TRIO: variants seen among roughly 807,000 people sequenced by gnomAD.
TRIO encodes trio Rho guanine nucleotide exchange factor.
In TRIO, 58 loss-of-function variants were observed where a neutral mutation model predicts 351.9. The ratio of observed to expected loss-of-function variants is 0.16; its 90% CI spans 0.13 to 0.21. The LOEUF (loss-of-function observed/expected upper bound fraction) is 0.21, where lower values mean the gene tolerates loss of function less well. Ranked by LOEUF, TRIO falls within the 10% of genes least tolerant of loss-of-function variation. TRIO has a pLI of 1.00. For synonymous variants in TRIO, 1,758 were observed against 1,595.7 expected (o/e 1.10, Z -2.42); for missense variants, 3,201 against 4,027.8 (o/e 0.79, Z 5.56).
At chr5:14,197,780 G>A (rs962166705) in intron 1 of TRIO, among the ~76,000 whole-genome samples, 1 of 152,174 alleles carries the variant, frequency 6.6e-6, no homozygotes, top group Non-Finnish European at 1.5e-5. Flanking sequence ...CTCACAGAGC[G>A]ACTTGCAGAA....
intron 45 of TRIO, chr5:14,482,314 A>G (rs750556481): frequency 8.3e-6 from 2 of 241,396 alleles, no homozygotes; most frequent in East Asian, 1.6e-4. Context: ...CTGTTCTAGT[A>G]TAAACCAGAC....
rs1352950839 is a variant in TRIO at position 14,422,600 on chromosome 5, G to C, written c.5203+2579G>C. On this transcript the variant is annotated intron_variant, in intron 34 of 56. Transcript: ENST00000344204. Reference sequence around the variant, plus strand: ...TGATGAGCCGTGCTCAGGTTCACGTGGTGGTTTTGAAGCTGGGCTAGACTT... The same window carrying C: ...TGATGAGCCGTGCTCAGGTTCACGTCGTGGTTTTGAAGCTGGGCTAGACTT... Among the ~76,000 whole-genome samples the C allele has an allele frequency of 2.0e-5, 3 of 152,196 alleles. No individual in the cohort carries two copies. In the South Asian group the frequency reaches 6.2e-4, roughly 31 times the overall value.
At chr5:14,444,280 G>A (rs1178576718) in intron 34 of TRIO, among the ~76,000 whole-genome samples, 1 of 152,216 alleles carries the variant, frequency 6.6e-6, no homozygotes, top group Non-Finnish European at 1.5e-5. Context: ...AAAGCTGTCA[G>A]TACATGGAAT....
intron 1 of TRIO, among the ~76,000 whole-genome samples, chr5:14,221,656 A>G (rs1439619520): frequency 6.6e-6 from 1 of 152,260 alleles, no homozygotes; most frequent in African/African-American, 2.4e-5. Context: ...AGAGAACTAG[A>G]GCTACAAGTG....
Position 14,369,395 on chromosome 5 carries a change from C to T in TRIO, c.3088C>T (p.Leu1030=), listed in dbSNP as rs760017451. 1 of 1,613,834 alleles carries T rather than the reference C, an allele frequency of 6.2e-7. No homozygotes were observed. Among genetic ancestry groups the T allele is most frequent in the Non-Finnish European group, 8.5e-7 (1 of 1,179,898 alleles). Residue 1030 remains leucine (L), a synonymous_variant, in exon 18 of 57, where the codon CTG becomes TTG. Coordinates refer to ENST00000344204, the MANE Select transcript of TRIO (RefSeq NM_007118.4). ...SEQVCSVLES[L]EQEYKREEDW... is the part of the protein sequence containing the mutation. ...ACAGGTCTGCAGCGTCCTCGAGAGC[C>T]TGGAACAGGAGTACAAGAGAGAAGA...
In TRIO at chr5:14,150,185, T is replaced by C. The variant is rs1261803859; in HGVS notation, c.157+6303T>C. ...AACTATAGTACAGCCATTCCATTAA[T>C]GTTGAGTGAGAGAAGACAGTCTCAA... On this transcript the variant is annotated intron_variant, in intron 1 of 56. Transcript: ENST00000344204. Among the ~76,000 whole-genome samples, 8 of 152,272 alleles carry C rather than the reference T, an allele frequency of 5.3e-5. No individual in the cohort carries two copies. The East Asian group carries it at 1.5e-3, about 29-fold the overall frequency.
At chr5:14,155,474 TA>T (rs1485838328) in intron 1 of TRIO, among the ~76,000 whole-genome samples, 1 of 152,192 alleles carries the variant, frequency 6.6e-6, no homozygotes, top group African/African-American at 2.4e-5. Flanking sequence ...TTTTGGCAGT[TA>T]AAAAAATTAT....
At chr5:14,479,375 A>T in intron 42 of TRIO, 25 bp downstream of exon 42, 1 of 1,558,582 alleles carries the variant, frequency 6.4e-7, no homozygotes, top group Non-Finnish European at 8.8e-7. Flanking sequence ...ACAAACAGAA[A>T]GTATTTCTGA....
intron 34 of TRIO, among the ~76,000 whole-genome samples, chr5:14,442,503 C>A (rs561892774): frequency 6.6e-5 from 10 of 152,236 alleles, no homozygotes; most frequent in African/African-American, 2.2e-4. Flanking sequence ...GAGTTGGCTG[C>A]GTGAATGTTG....
rs771558397 is a variant in TRIO at position 14,488,138 on chromosome 5, G to C, written c.7510G>C (p.Gly2504Arg). The C allele has an allele frequency of 6.2e-7, 1 of 1,608,168 alleles. No individual in the cohort carries two copies. The highest frequency in any genetic ancestry group is 8.5e-7 in the Non-Finnish European group (1 of 1,179,494). ...ASRPGSFTFP[G>R]DSDSLQRQTP... is the part of the protein sequence containing the mutation. ...CCGACCCGGCTCCTTCACCTTCCCGGGGGACAGCGACTCCCTCCAGCGGCA... is the reference window on the plus strand; with the variant it reads ...CCGACCCGGCTCCTTCACCTTCCCGCGGGACAGCGACTCCCTCCAGCGGCA... Residue 2504 changes from glycine (G) to arginine (R), a missense_variant, in exon 48 of 57, where the codon GGG becomes CGG. Transcript: ENST00000344204.
intron 10 of TRIO, among the ~76,000 whole-genome samples, chr5:14,335,634 G>T (rs1384225360): frequency 6.6e-6 from 1 of 152,160 alleles, no homozygotes; most frequent in East Asian, 1.9e-4. Flanking sequence ...TAAAACTCTG[G>T]CTACTTTAGA....
intron 13 of TRIO, among the ~76,000 whole-genome samples, chr5:14,360,408 G>C (rs1002391604): frequency 1.3e-5 from 2 of 152,218 alleles, no homozygotes; most frequent in African/African-American, 4.8e-5. Context: ...TCAGTGGTGA[G>C]CCTGCTCTCC....
At chr5:14,233,498 A>G (rs969105080) in intron 1 of TRIO, among the ~76,000 whole-genome samples, 1 of 151,918 alleles carries the variant, frequency 6.6e-6, no homozygotes, top group Non-Finnish European at 1.5e-5. Context: ...TCAAAAGAAA[A>G]AAAAAGGAAT....
Position 14,461,028 on chromosome 5 carries a change from C to A in TRIO, c.5213C>A (p.Ser1738Tyr). The A allele has an allele frequency of 1.3e-6, 2 of 1,570,966 alleles. No individual in the cohort carries two copies. Among genetic ancestry groups the A allele is most frequent in the Non-Finnish European group, 1.7e-6 (2 of 1,156,160 alleles). ...TCTTTCTCCCTGGCAGACTCGCTCT[C>A]CGTCTCCAGCAATGACGCCAGTCCA... ...EGIFNHKDSL[S>Y]VSSNDASPPA... The change falls in exon 35 of 57, where the codon TCC (serine) becomes TAC (tyrosine). Residue 1738 changes from serine to tyrosine, a missense_variant. Transcript: ENST00000344204.
intron 3 of TRIO, 70 bp downstream of exon 3, chr5:14,280,506 G>A: frequency 7.3e-7 from 1 of 1,360,894 alleles, no homozygotes; most frequent in Non-Finnish European, 1.0e-6. Context: ...ATACTCGTTA[G>A]AAATCAGCTA....
chr5:14,276,450 C>G (rs1735527456), intron 2 of TRIO, among the ~76,000 whole-genome samples: 1 of 152,262 alleles, frequency 6.6e-6, no homozygotes. Flanking sequence ...GCTGTTAGAG[C>G]AGGAGCCCCG....
intron 1 of TRIO, among the ~76,000 whole-genome samples, chr5:14,147,631 C>G (rs1787594795): frequency 1.3e-5 from 2 of 152,182 alleles, no homozygotes; most frequent in Admixed American, 6.5e-5. Flanking sequence ...TCCTGCAGCC[C>G]CTGTCTTTCC....
At chr5:14,207,960 A>G (rs1791649535) in intron 1 of TRIO, among the ~76,000 whole-genome samples, 1 of 152,212 alleles carries the variant, frequency 6.6e-6, no homozygotes, top group Admixed American at 6.5e-5. Context: ...TTAAATCACA[A>G]TGAAATACCA....
At chr5:14,222,393 G>A (rs890729237) in intron 1 of TRIO, among the ~76,000 whole-genome samples, 2 of 152,132 alleles carry the variant, frequency 1.3e-5, no homozygotes, top group Non-Finnish European at 2.9e-5. Context: ...GTGGGTTAAG[G>A]TCACAAAAGT....
Sources: gnomAD v4.1 joint callset for allele counts (sites outside exome capture counted in the v4.1 genomes callset) on GRCh38, gnomAD v4.1.1 for gene constraint, MANE v1.5 for transcripts, NCBI Gene and HGNC (gene_info 2026-07-23, HGNC 2026-07-21) for gene names.